The following SGTA variants were observed in gnomAD, a reference collection of about 807,000 sequenced individuals.
The protein encoded by SGTA is small glutamine rich tetratricopeptide repeat co-chaperone alpha, also known as small glutamine-rich tetratricopeptide repeat-containing protein alpha.
SGTA carries 22 observed loss-of-function variants against 44.3 expected under a neutral mutation model. The ratio of observed to expected loss-of-function variants is 0.50; its 90% CI spans 0.36 to 0.71. The LOEUF is 0.71. Among genes scored for constraint, SGTA ranks in the 30% least tolerant of loss-of-function variants. SGTA has a pLI of 0.00. For missense variants in SGTA, 341 were observed against 435.9 expected (o/e 0.78, Z 1.94); for synonymous variants, 174 against 177.6 (o/e 0.98, Z 0.16).
chr19:2,780,352 T>C (rs1012890585), intron 1 of SGTA, among the ~76,000 whole-genome samples: 1 of 152,172 alleles, frequency 6.6e-6, no homozygotes, highest in African/African-American at 2.4e-5. Context: ...ACCCGAGTTC[T>C]AGCTCAGTCT....
Position 2,755,779 on chromosome 19 carries a change from G to C in SGTA, c.*161C>G, listed in dbSNP as rs1201302362. On this transcript the variant is annotated 3_prime_UTR_variant, in exon 12 of 12. Transcript: ENST00000221566. This position sits in a 1 kb window ranked among gnomAD's most constrained non-coding sequence, Gnocchi z 5.2. ...AAGGGAGTTACAAAAAGGGAGTGGA[G>C]GAGGGCAGAGATAAAAGGGGAAAAT... The C allele has an allele frequency of 1.0e-6, 1 of 985,456 alleles. No individual in the cohort carries two copies. Among genetic ancestry groups the C allele is most frequent in the African/African-American group, 1.7e-5 (1 of 57,258 alleles). The allele number at this position is 985,456 out of a possible 1,614,324, so 61.0% of individuals were successfully genotyped here.
chr19:2,774,563 C>G (rs914630658), intron 1 of SGTA, among the ~76,000 whole-genome samples: 1 of 152,166 alleles, frequency 6.6e-6, no homozygotes, highest in Non-Finnish European at 1.5e-5. Flanking sequence ...TACACAGAGG[C>G]CTTCACCTAC....
chr19:2,778,905 C>T (rs914821584), intron 1 of SGTA, among the ~76,000 whole-genome samples: 7 of 152,232 alleles, frequency 4.6e-5, no homozygotes, highest in Non-Finnish European at 8.8e-5. Flanking sequence ...GAAGTTTATT[C>T]TGCTGTCCAG....
At chr19:2,772,724 C>G (rs1205059220) in intron 1 of SGTA, among the ~76,000 whole-genome samples, 1 of 152,160 alleles carries the variant, frequency 6.6e-6, no homozygotes, top group Non-Finnish European at 1.5e-5. Flanking sequence ...TGGATGCAGA[C>G]GCATGCACAG....
At position 2,767,776 on chromosome 19, in the gene SGTA, T is replaced by C; in HGVS notation, c.101-90A>G. 2 of 947,646 alleles carry C rather than the reference T, an allele frequency of 2.1e-6. No homozygotes were observed. Among genetic ancestry groups the C allele is most frequent in the Non-Finnish European group, 3.4e-6 (2 of 592,302 alleles). 58.7% of individuals were successfully genotyped at this position (947,646 alleles called of 1,614,324 possible). ...AGAGGGCGGGGTTGGTGCTCATGCT[T>C]CCCCAGGTGTGTTCATTCCCAAGGA... On this transcript the variant is annotated intron_variant, in intron 2 of 11. Coordinates refer to ENST00000221566, the MANE Select transcript of SGTA (RefSeq NM_003021.4). The surrounding 1 kb of genome is among the most constrained non-coding windows in gnomAD (Gnocchi z 7.3).
At chr19:2,775,904 G>A (rs1915436272) in intron 1 of SGTA, among the ~76,000 whole-genome samples, 1 of 152,228 alleles carries the variant, frequency 6.6e-6, no homozygotes, top group African/African-American at 2.4e-5. Context: ...CGCTGGACAG[G>A]GAGTTACGGT....
chr19:2,768,901 G>A, intron 2 of SGTA, 68 bp downstream of exon 2: 1 of 1,130,360 alleles, frequency 8.8e-7, no homozygotes, highest in Non-Finnish European at 1.3e-6. Flanking sequence ...TACACACCAG[G>A]TGTCTACACG....
chr19:2,779,017 G>A lies in SGTA; in HGVS notation c.-24+4216C>T, dbSNP rs375952224. 3.2e-4 allele frequency among the ~76,000 whole-genome samples: 49 copies of A among 152,156 alleles called. No individual in the cohort carries two copies. In the East Asian group the frequency reaches 8.7e-3, roughly 27 times the overall value. On this transcript the variant is annotated intron_variant, in intron 1 of 11. Transcript: ENST00000221566. ...GGGTGGATGATTCTGTCCTGCGCAC[G>A]GCAGGGGGCTGAGCAGCACCCCTGG...
chr19:2,770,201 GC>G (rs746663263), intron 1 of SGTA: 132 of 166,512 alleles, frequency 7.9e-4, no homozygotes, highest in Admixed American at 5.9e-4. Context: ...GGACTTGACA[GC>G]TGCTTCTGCT....
At chr19:2,774,086 G>A (rs903201888) in intron 1 of SGTA, among the ~76,000 whole-genome samples, 3 of 152,298 alleles carry the variant, frequency 2.0e-5, no homozygotes, top group East Asian at 3.9e-4. Flanking sequence ...ATGGACTTCC[G>A]GCCTCCAGGA....
intron 1 of SGTA, among the ~76,000 whole-genome samples, chr19:2,781,379 T>C (rs900610784): frequency 6.6e-6 from 1 of 152,194 alleles, no homozygotes; most frequent in African/African-American, 2.4e-5. Flanking sequence ...AAGGGCCAGA[T>C]TGTCTTCAGC....
rs1914804673 is a variant in SGTA, at chr19:2,755,758, G to C, written c.*182C>G. The C allele has an allele frequency of 1.0e-6, 1 of 985,410 alleles. No homozygotes were observed. Among genetic ancestry groups the C allele is most frequent in the Admixed American group, 6.2e-5 (1 of 16,252 alleles). 61.0% of individuals were successfully genotyped at this position (985,410 alleles called of 1,614,324 possible). A position where few individuals can be genotyped will look rare whatever the true frequency, so the allele number is the denominator to read the frequency against. On this transcript the variant is annotated 3_prime_UTR_variant, in exon 12 of 12. Coordinates refer to ENST00000221566, the MANE Select transcript of SGTA (RefSeq NM_003021.4). This position sits in a 1 kb window ranked among gnomAD's most constrained non-coding sequence, Gnocchi z 5.2. ...CAAGAAGGGTCTGGGGGCTGTAAGG[G>C]AGTTACAAAAAGGGAGTGGAGGAGG... is the stretch of plus-strand genomic sequence containing the variant.
At chr19:2,778,490 G>A (rs929135142) in intron 1 of SGTA, among the ~76,000 whole-genome samples, 2 of 143,666 alleles carry the variant, frequency 1.4e-5, no homozygotes, top group Non-Finnish European at 3.0e-5. Context: ...TTCCCTCCTG[G>A]AACACCGCCC....
At chr19:2,768,496 G>A (rs893214302) in intron 2 of SGTA, among the ~76,000 whole-genome samples, 6 of 152,192 alleles carry the variant, frequency 3.9e-5, no homozygotes, top group South Asian at 2.1e-4. Flanking sequence ...TCCGAGCCCC[G>A]GATCCAGGTG....
Position 2,757,795 on chromosome 19 carries a change from G to T in SGTA, c.738-13C>A. On this transcript the variant is annotated splice_polypyrimidine_tract_variant and intron_variant, in intron 9 of 11. Transcript: ENST00000221566. ...CATGCCGGACATGCTGCAGGAGAGA[G>T]CGCGTGACTCGCAGCCGGGACAGCC... 6.4e-7 allele frequency: 1 copy of T among 1,554,126 alleles called. No individual in the cohort carries two copies. Among genetic ancestry groups the T allele is most frequent in the East Asian group, 2.3e-5 (1 of 43,414 alleles).
chr19:2,760,532 A>AAAAAAAAAAC (rs1914958416), intron 8 of SGTA, among the ~76,000 whole-genome samples: 2 of 151,358 alleles, frequency 1.3e-5, no homozygotes, highest in Non-Finnish European at 2.9e-5. Context: ...AAAAAAAAAA[A>AAAAAAAAAAC]AAAAAAAACC....
intron 1 of SGTA, among the ~76,000 whole-genome samples, chr19:2,781,556 C>T (rs1238161901): frequency 6.6e-6 from 1 of 152,106 alleles, no homozygotes; most frequent in Non-Finnish European, 1.5e-5. Context: ...TTGCTGATAC[C>T]TTGCCTGGTT....
Position 2,767,642 on chromosome 19 carries a change from C to T in SGTA, c.145G>A (p.Asp49Asn). The change falls in exon 3 of 12, where the codon GAC becomes AAC. Residue 49 changes from aspartate to asparagine, a missense_variant. Coordinates refer to ENST00000221566, the MANE Select transcript of SGTA (RefSeq NM_003021.4). The surrounding 1 kb of genome is among the most constrained non-coding windows in gnomAD (Gnocchi z 7.3). ...LETAFGVTVE[D>N]SDLALPQTLP... The stretch of plus-strand genomic sequence containing the variant: ...GTCTGAGGGAGCGCAAGGTCACTGT[C>T]TTCTACCGTCACCCCAAACGCAGTC... The T allele has an allele frequency of 3.1e-6, 5 of 1,613,768 alleles. No individual in the cohort carries two copies. Among genetic ancestry groups the T allele is most frequent in the Non-Finnish European group, 4.2e-6 (5 of 1,180,002 alleles).
chr19:2,759,358 A>G lies in SGTA; in HGVS notation c.700-64T>C, dbSNP rs1914920144. 4.7e-6 allele frequency: 7 copies of G among 1,488,704 alleles called. No homozygotes were observed. In the East Asian group the frequency reaches 9.0e-5, roughly 19 times the overall value. 92.2% of individuals were successfully genotyped at this position (1,488,704 alleles called of 1,614,324 possible). Reference sequence around the variant, plus strand: ...CCAGCGCATCATTCTCTTTCATCAGACACTTTCCATCTTAACCAGCCTTGG... The same window carrying G: ...CCAGCGCATCATTCTCTTTCATCAGGCACTTTCCATCTTAACCAGCCTTGG... On this transcript the variant is annotated intron_variant, in intron 8 of 11. Coordinates refer to ENST00000221566, the MANE Select transcript of SGTA (RefSeq NM_003021.4).
Sources: gnomAD v4.1 joint callset for allele counts (sites outside exome capture counted in the v4.1 genomes callset) on GRCh38, gnomAD v4.1.1 for gene constraint, Gnocchi (gnomAD v3.1) non-coding constraint, MANE v1.5 for transcripts, NCBI Gene and HGNC (gene_info 2026-07-23, HGNC 2026-07-21) for gene names.